The following KIFC3 variants were observed in gnomAD, a reference collection of about 807,000 sequenced individuals.
KIFC3 encodes the protein kinesin family member C3.
A neutral mutation model predicts 101.8 loss-of-function variants in KIFC3; 60 were observed. The observed-to-expected ratio is 0.59, with a 90% CI of 0.48 to 0.73. KIFC3 has a LOEUF of 0.73. KIFC3 is among the 30% of genes least tolerant of loss of function. The pLI is 0.00. For missense variants in KIFC3, 966 were observed against 1,137.1 expected, an observed-to-expected ratio of 0.85 and a Z score of 2.16; for synonymous variants, 476 against 482.7, an observed-to-expected ratio of 0.99 and a Z score of 0.18.
chr16:57,760,166 G>A (rs782738244), intron 17 of KIFC3, 116 bp downstream of exon 17: 6 of 1,271,178 alleles, frequency 4.7e-6, no homozygotes, highest in East Asian at 2.3e-5. Flanking sequence ...ACCCAACTCC[G>A]GCAGCTTCCC....
At chr16:57,858,170 C>A (rs2056219816) in intron 1 of KIFC3, among the ~76,000 whole-genome samples, 1 of 152,092 alleles carries the variant, frequency 6.6e-6, no homozygotes, top group Non-Finnish European at 1.5e-5. Context: ...GTTTCCAAGT[C>A]TTTGCTACTA....
At chr16:57,817,049 G>T in intron 1 of KIFC3, 1 of 306,180 alleles carries the variant, frequency 3.3e-6, no homozygotes, top group Non-Finnish European at 6.4e-6. Context: ...AAACTGCATG[G>T]CTTAAAACAA....
chr16:57,794,427 T>C (rs1555621732), intron 3 of KIFC3, among the ~76,000 whole-genome samples: 1 of 151,692 alleles, frequency 6.6e-6, no homozygotes, highest in African/African-American at 2.4e-5. Context: ...GGTCTCACTA[T>C]ATTGTCCAGG....
chr16:57,826,540 A>G (rs1568090916), intron 1 of KIFC3, among the ~76,000 whole-genome samples: 1 of 152,206 alleles, frequency 6.6e-6, no homozygotes, highest in Non-Finnish European at 1.5e-5. Context: ...TGAAAATTTC[A>G]CGTAAAATAC....
chr16:57,857,916 T>C (rs2056212676), intron 1 of KIFC3, among the ~76,000 whole-genome samples: 1 of 141,026 alleles, frequency 7.1e-6, no homozygotes, highest in African/African-American at 2.6e-5. Flanking sequence ...AACTTCCGCC[T>C]CCTGGGTTCA....
intron 1 of KIFC3, among the ~76,000 whole-genome samples, chr16:57,831,786 C>A (rs552518086): frequency 3.3e-5 from 5 of 152,218 alleles, no homozygotes; most frequent in African/African-American, 4.8e-5. Context: ...AGGGCCTAGA[C>A]TTTCCTTGGG....
At chr16:57,802,758 T>G, upstream of KIFC3, 1 of 746,234 alleles carries the variant, frequency 1.3e-6, no homozygotes, top group Non-Finnish European at 2.2e-6. The surrounding 1 kb of genome is among the most constrained non-coding windows in gnomAD (Gnocchi z 5.0). Context: ...CCCTGAAGGC[T>G]CTCACAAAAC....
In KIFC3 at chr16:57,761,029, C is replaced by T. The variant is rs958661900; in HGVS notation, c.2002+13G>A. 1.0e-5 allele frequency: 16 copies of T among 1,605,214 alleles called. No homozygotes were observed. The highest frequency in any genetic ancestry group is 1.3e-5 in the Non-Finnish European group (15 of 1,175,378). ...TGTGGGGATCCTCAGGCCAGGCTGCCTGCCACTCTCACCCGTGGTGCGGAG... is the reference window on the plus strand; with the variant it reads ...TGTGGGGATCCTCAGGCCAGGCTGCTTGCCACTCTCACCCGTGGTGCGGAG... On this transcript the variant is annotated intron_variant, in intron 15 of 19. Coordinates refer to ENST00000445690, the MANE Select transcript of KIFC3 (RefSeq NM_001130100.2).
intron 4 of KIFC3, 33 bp from the exon 5 acceptor site, chr16:57,771,719 G>A: frequency 6.3e-7 from 1 of 1,594,286 alleles, no homozygotes; most frequent in East Asian, 2.3e-5. Flanking sequence ...GGGCGCATGT[G>A]GCGAGGGCAG....
intron 3 of KIFC3, among the ~76,000 whole-genome samples, chr16:57,790,658 AC>A (rs1225470348): frequency 6.6e-6 from 1 of 152,096 alleles, no homozygotes; most frequent in Non-Finnish European, 1.5e-5. Context: ...TAATAACAGG[AC>A]CGCCTCATTG....
At chr16:57,856,585 A>G (rs1224800173) in intron 1 of KIFC3, among the ~76,000 whole-genome samples, 1 of 152,126 alleles carries the variant, frequency 6.6e-6, no homozygotes, top group Non-Finnish European at 1.5e-5. Context: ...GTGTAAAAAG[A>G]ATAGAGAAAA....
chr16:57,768,507 T>TCACACACACACACACACA (rs1384372811), intron 9 of KIFC3, among the ~76,000 whole-genome samples: 7 of 12,570 alleles, frequency 5.6e-4, no homozygotes, highest in Middle Eastern at 0.1. Context: ...TACCATATAT[T>TCACACACACACACACACA]CTCACACACA....
chr16:57,830,636 C>T (rs781967227), intron 1 of KIFC3: 45 of 152,150 alleles, frequency 3.0e-4, no homozygotes, highest in Admixed American at 4.6e-4. Context: ...ACTGCCAAAG[C>T]GAGCACTGTT....
chr16:57,788,537 A>G, intron 3 of KIFC3: 1 of 1,273,332 alleles, frequency 7.9e-7, no homozygotes, highest in East Asian at 5.6e-5. Flanking sequence ...CGCTGGCTTC[A>G]CTGGGGAGTG....
chr16:57,763,479 T>C (rs2050101716), intron 12 of KIFC3, among the ~76,000 whole-genome samples: 3 of 152,116 alleles, frequency 2.0e-5, no homozygotes, highest in Admixed American at 2.0e-4. Context: ...CCACACCACC[T>C]GGCCTCCTCC....
In KIFC3 at chr16:57,818,522, GC is replaced by G. The variant is rs569681251; in HGVS notation, c.109-20241del. 1.4e-3 allele frequency among the ~76,000 whole-genome samples: 211 copies of G among 152,194 alleles called. 1 individual carries two copies. Among genetic ancestry groups the G allele is most frequent in the Admixed American group, 4.2e-3 (64 of 15,266 alleles). ...GGGGATTATAGGCATGTGCTACGAA[GC>G]CCAGCTAATTTACTTTTTTGTGGAG... On this transcript the variant is annotated intron_variant, in intron 1 of 2. Transcript: ENST00000563028.
At chr16:57,804,621 G>T (rs980538301), upstream of KIFC3, among the ~76,000 whole-genome samples, 1 of 152,208 alleles carries the variant, frequency 6.6e-6, no homozygotes, top group Admixed American at 6.5e-5. Flanking sequence ...ACAAGATCTT[G>T]ATCTGTTGCC....
At chr16:57,832,208 AC>A (rs1179210564) in intron 1 of KIFC3, among the ~76,000 whole-genome samples, 10 of 149,642 alleles carry the variant, frequency 6.7e-5, no homozygotes, top group African/African-American at 2.5e-4. Context: ...TTTGGTAGAG[AC>A]GGGGTTTCAC....
chr16:57,783,868 T>G (rs2053028095), intron 3 of KIFC3, among the ~76,000 whole-genome samples: 1 of 152,182 alleles, frequency 6.6e-6, no homozygotes. Flanking sequence ...GCTCAGCCTT[T>G]GCCTGAGGCC....
Sources: allele counts gnomAD v4.1 joint callset (sites outside exome capture counted in the v4.1 genomes callset), GRCh38; gene constraint gnomAD v4.1.1; non-coding constraint Gnocchi (gnomAD v3.1); transcripts MANE v1.5; gene names NCBI Gene and HGNC (gene_info 2026-07-23, HGNC 2026-07-21).